IFFO1: variants seen among roughly 807,000 people sequenced by gnomAD.
IFFO1 encodes the protein non-homologous end joining factor IFFO1.
IFFO1 carries 42 observed loss-of-function variants against 59.6 expected under a neutral mutation model. That is an observed-to-expected ratio of 0.70 (90% CI 0.55 to 0.91). IFFO1 has a LOEUF of 0.91. Among genes scored for constraint, IFFO1 ranks in the 40% least tolerant of loss-of-function variants. IFFO1 has a pLI of 0.00. For synonymous variants in IFFO1, 336 were observed against 342.8 expected, an observed-to-expected ratio of 0.98 and a Z score of 0.22; for missense variants, 711 against 793.2, an observed-to-expected ratio of 0.90 and a Z score of 1.24.
Position 6,548,736 on chromosome 12 carries a change from G to A in IFFO1, c.1194C>T (p.Pro398=), listed in dbSNP as rs971551556. The part of the protein sequence containing the change: ...SLSESEGPRQ[P]DGDEEESTAL... ...CTGTGCTCTCCTCCTCATCCCCATC[G>A]GGCTGGCGGGGCCCCTCACTCTCCG... Residue 398 remains proline, a synonymous_variant, in exon 6 of 10, where the codon CCC becomes CCT. Transcript: ENST00000619571. This position sits in a 1 kb window ranked among gnomAD's most constrained non-coding sequence, Gnocchi z 6.1. 24 of 1,613,968 alleles carry A rather than the reference G, an allele frequency of 1.5e-5. No individual in the cohort carries two copies. Among genetic ancestry groups the A allele is most frequent in the Admixed American group, 1.3e-4 (8 of 60,008 alleles).
At position 6,539,709 on chromosome 12, in the gene IFFO1, T is replaced by C. The variant is rs978978373; in HGVS notation, c.*774A>G. On this transcript the variant is annotated 3_prime_UTR_variant, in exon 10 of 10. Transcript: ENST00000619571. ...GTATGACAGACACGGAGGAAGCACATCTTTAGCTGATACTTAAACAGAGAC... is the reference window on the plus strand; with the variant it reads ...GTATGACAGACACGGAGGAAGCACACCTTTAGCTGATACTTAAACAGAGAC... The C allele has an allele frequency of 6.6e-6, 1 of 152,210 alleles. No individual in the cohort carries two copies. Among genetic ancestry groups the C allele is most frequent in the Non-Finnish European group, 1.5e-5 (1 of 68,082 alleles). The allele number at this position is 152,210 out of a possible 1,614,324, so 9.4% of individuals were successfully genotyped here.
rs1009707819 is a variant in IFFO1 at position 6,539,552 on chromosome 12, C to G, written c.*931G>C. 2 of 152,160 alleles carry G rather than the reference C, an allele frequency of 1.3e-5. No homozygotes were observed. The highest frequency in any genetic ancestry group is 2.9e-5 in the Non-Finnish European group (2 of 68,026). The allele number at this position is 152,160 out of a possible 1,614,324, so 9.4% of individuals were successfully genotyped here. A position where few individuals can be genotyped will look rare whatever the true frequency, so the allele number is the denominator to read the frequency against. Reference sequence around the variant, plus strand: ...GTGCACAATAAATACTCGCCAGTTTCATTATTATTAAAGAATCCATTTGAA... The same window carrying G: ...GTGCACAATAAATACTCGCCAGTTTGATTATTATTAAAGAATCCATTTGAA... On this transcript the variant is annotated 3_prime_UTR_variant, in exon 10 of 10. Transcript: ENST00000619571.
Position 6,555,762 on chromosome 12 carries a change from T to A in IFFO1, c.268A>T (p.Lys90Ter). The A allele has an allele frequency of 6.2e-7, 1 of 1,613,134 alleles. No homozygotes were observed. The highest frequency in any genetic ancestry group is 8.5e-7 in the Non-Finnish European group (1 of 1,179,458). ...TTCCGGCGCTCCAGCTCATGCACCT[T>A]GGCCAGGAAGCAGCGGAACCGGAGG... ...LNLRFRCFLAKVHELERRNRL... is the reference protein window; with the variant it reads ...LNLRFRCFLA Residue 90 changes from lysine (K) to a stop codon, truncating the protein, a stop_gained, in exon 1 of 10, where the codon AAG (lysine) becomes TAG (stop). Coordinates refer to ENST00000619571, the MANE Select transcript of IFFO1 (RefSeq NM_001193457.2). LOFTEE classifies it high-confidence loss of function. The surrounding 1 kb of genome is among the most constrained non-coding windows in gnomAD (Gnocchi z 8.6).
chr12:6,552,595 T>G (rs990027961), intron 1 of IFFO1, among the ~76,000 whole-genome samples: 5 of 152,138 alleles, frequency 3.3e-5, no homozygotes, highest in African/African-American at 1.2e-4. Flanking sequence ...AGCCCACGAG[T>G]CCCTGGAGGG....
At chr12:6,547,706 G>A (rs1947027899) in intron 8 of IFFO1, among the ~76,000 whole-genome samples, 1 of 150,786 alleles carries the variant, frequency 6.6e-6, no homozygotes, top group East Asian at 1.9e-4. Flanking sequence ...GAAAGACAAG[G>A]GAGAGAGGGA....
rs1947083315 is a variant in IFFO1 at position 6,548,654 on chromosome 12, G to A, written c.1262+14C>T. Reference sequence around the variant, plus strand: ...GTGGCGTCGGTGCTGCGGGAGCACGGCCTGCGGACTCACAGCTGGTTGAGC... The same window carrying A: ...GTGGCGTCGGTGCTGCGGGAGCACGACCTGCGGACTCACAGCTGGTTGAGC... On this transcript the variant is annotated intron_variant, in intron 6 of 9. Transcript: ENST00000619571. The surrounding 1 kb of genome is among the most constrained non-coding windows in gnomAD (Gnocchi z 6.1). 6.2e-7 allele frequency: 1 copy of A among 1,614,036 alleles called. No individual in the cohort carries two copies. The highest frequency in any genetic ancestry group is 8.5e-7 in the Non-Finnish European group (1 of 1,179,962).
intron 8 of IFFO1, among the ~76,000 whole-genome samples, chr12:6,545,299 G>A (rs1946901604): frequency 6.6e-6 from 1 of 152,176 alleles, no homozygotes; most frequent in Admixed American, 6.5e-5. Flanking sequence ...ACGGCTTCAG[G>A]TACCCAAGGT....
At chr12:6,539,445 T>G (rs1475818988), downstream of IFFO1, 1 of 149,828 alleles carries the variant, frequency 6.7e-6, no homozygotes, top group Non-Finnish European at 1.5e-5. Context: ...AGTATGAGAC[T>G]CCATCTCAAA....
At position 6,555,207 on chromosome 12, in the gene IFFO1, T is replaced by C; in HGVS notation, c.773+50A>G. On this transcript the variant is annotated intron_variant, in intron 1 of 9. Coordinates refer to ENST00000619571, the MANE Select transcript of IFFO1 (RefSeq NM_001193457.2). The surrounding 1 kb of genome is among the most constrained non-coding windows in gnomAD (Gnocchi z 8.6). Reference sequence around the variant, plus strand: ...GGAACCCACACCAACTCGCGGCCCGTTGTGAGTGGTATGACACAGAGAGAC... The same window carrying C: ...GGAACCCACACCAACTCGCGGCCCGCTGTGAGTGGTATGACACAGAGAGAC... 3 of 1,582,192 alleles carry C rather than the reference T, an allele frequency of 1.9e-6. No homozygotes were observed. The highest frequency in any genetic ancestry group is 2.7e-5 in the African/African-American group (2 of 74,348).
Position 6,540,601 on chromosome 12 carries a change from A to C in IFFO1, c.1611-13T>G, listed in dbSNP as rs770456079. On this transcript the variant is annotated splice_polypyrimidine_tract_variant and intron_variant, in intron 9 of 9. Coordinates refer to ENST00000619571, the MANE Select transcript of IFFO1 (RefSeq NM_001193457.2). The stretch of plus-strand genomic sequence containing the variant: ...AGCAGGAGACTTTCTAGAAAAAAAC[A>C]CCAGTTGTCAACCTTGGGGCAGGCA... 6 of 1,608,350 alleles carry C rather than the reference A, an allele frequency of 3.7e-6. No individual in the cohort carries two copies. Among genetic ancestry groups the C allele is most frequent in the Non-Finnish European group, 4.3e-6 (5 of 1,175,714 alleles).
At chr12:6,545,693 G>A (rs1592207573) in intron 8 of IFFO1, among the ~76,000 whole-genome samples, 1 of 131,260 alleles carries the variant, frequency 7.6e-6, no homozygotes, top group African/African-American at 2.9e-5. Context: ...GCGAGACTCC[G>A]TCTCGGAAAA....
intron 8 of IFFO1, among the ~76,000 whole-genome samples, chr12:6,544,165 C>G (rs917573217): frequency 1.5e-5 from 2 of 136,664 alleles, no homozygotes; most frequent in African/African-American, 5.6e-5. Flanking sequence ...TTTGAAAATA[C>G]TTTTTTTTTT....
Position 6,548,549 on chromosome 12 carries a change from G to C in IFFO1, c.1263-4C>G, listed in dbSNP as rs760271391. The C allele has an allele frequency of 6.2e-7, 1 of 1,613,678 alleles. No individual in the cohort carries two copies. On this transcript the variant is annotated splice_polypyrimidine_tract_variant and splice_region_variant and intron_variant, in intron 6 of 9. Coordinates refer to ENST00000619571, the MANE Select transcript of IFFO1 (RefSeq NM_001193457.2). The surrounding 1 kb of genome is among the most constrained non-coding windows in gnomAD (Gnocchi z 6.1). Reference sequence around the variant, plus strand: ...GTCCTCAAAATCATACTCCCTCCTAGAGACAGGGAACCCGGGTGTCAGGGC... The same window carrying C: ...GTCCTCAAAATCATACTCCCTCCTACAGACAGGGAACCCGGGTGTCAGGGC...
Position 6,555,487 on chromosome 12 carries a change from G to C in IFFO1, c.543C>G (p.Thr181=). Residue 181 remains threonine (T), a synonymous_variant, in exon 1 of 10, where the codon ACC becomes ACG. Coordinates refer to ENST00000619571, the MANE Select transcript of IFFO1 (RefSeq NM_001193457.2). The surrounding 1 kb of genome is among the most constrained non-coding windows in gnomAD (Gnocchi z 8.6). ...GGGCCGACGAGGAATAGGTGGTGGA[G>C]GTGGAGGTGGAGGACGACGAGAGGC... is the stretch of plus-strand genomic sequence containing the variant. The part of the protein sequence containing the change: ...AASLSSSSTS[T]STTYSSSARF... 1 of 1,608,104 alleles carries C rather than the reference G, an allele frequency of 6.2e-7. No homozygotes were observed.
rs958751720 is a variant in IFFO1, at chr12:6,549,922, G to A, written c.931-26C>T. On this transcript the variant is annotated intron_variant, in intron 3 of 9. Transcript: ENST00000619571. The surrounding 1 kb of genome is among the most constrained non-coding windows in gnomAD (Gnocchi z 5.0). ...CTGTCCAGGGAGCCCAGGGAACAGTGAGGAGGCGCCCAGTTCTCCAGACAA... is the reference window on the plus strand; with the variant it reads ...CTGTCCAGGGAGCCCAGGGAACAGTAAGGAGGCGCCCAGTTCTCCAGACAA... 2 of 1,605,418 alleles carry A rather than the reference G, an allele frequency of 1.2e-6. No individual in the cohort carries two copies. The highest frequency in any genetic ancestry group is 1.1e-5 in the South Asian group (1 of 90,280).
chr12:6,541,325 A>G lies in IFFO1; in HGVS notation c.1610+187T>C, dbSNP rs1320201161. On this transcript the variant is annotated intron_variant, in intron 9 of 9. Coordinates refer to ENST00000619571, the MANE Select transcript of IFFO1 (RefSeq NM_001193457.2). This position sits in a 1 kb window ranked among gnomAD's most constrained non-coding sequence, Gnocchi z 4.8. ...GTTTCAGCCCTCCCGTCATGAATGG[A>G]CATAGCTCATCCAACTGCCAAGGGA... Among the ~76,000 whole-genome samples the G allele has an allele frequency of 6.6e-6, 1 of 152,124 alleles. No individual in the cohort carries two copies. The highest frequency in any genetic ancestry group is 1.5e-5 in the Non-Finnish European group (1 of 68,012).
At chr12:6,553,338 A>G (rs554886664) in intron 1 of IFFO1, among the ~76,000 whole-genome samples, 1 of 152,298 alleles carries the variant, frequency 6.6e-6, no homozygotes, top group African/African-American at 2.4e-5. Context: ...GTTTAAAAAA[A>G]AAATGCTCCT....
chr12:6,542,341 C>G (rs1946755533), intron 8 of IFFO1, among the ~76,000 whole-genome samples: 1 of 152,168 alleles, frequency 6.6e-6, no homozygotes, highest in African/African-American at 2.4e-5. Context: ...GTCTCCCTCC[C>G]CGGGCCCATT....
chr12:6,553,571 C>T (rs550114407), intron 1 of IFFO1, among the ~76,000 whole-genome samples: 1 of 151,162 alleles, frequency 6.6e-6, no homozygotes, highest in African/African-American at 2.4e-5. Context: ...CTGATCAGGT[C>T]AGGAGTTTGA....
Sources: allele counts gnomAD v4.1 joint callset (sites outside exome capture counted in the v4.1 genomes callset), GRCh38; gene constraint gnomAD v4.1.1; non-coding constraint Gnocchi (gnomAD v3.1); transcripts MANE v1.5; gene names NCBI Gene and HGNC (gene_info 2026-07-23, HGNC 2026-07-21).